Variants in PAX2 observed in about 807,000 individuals in gnomAD.
PAX2 encodes paired box protein Pax-2.
Under a neutral mutation model 41.7 loss-of-function variants are expected in PAX2, and 9 were observed. The observed-to-expected ratio is 0.22, with a 90% confidence interval of 0.13 to 0.38. The LOEUF is 0.38. PAX2 is among the 10% of genes least tolerant of loss of function. The pLI is 1.00. For missense variants in PAX2, 418 were observed against 531.6 expected, an observed-to-expected ratio of 0.79 and a Z score of 2.10; for synonymous variants, 221 against 212.7, an observed-to-expected ratio of 1.04 and a Z score of -0.34.
At chr10:100,792,442 T>C (rs1433797253) in intron 5 of PAX2, among the ~76,000 whole-genome samples, 1 of 152,216 alleles carries the variant, frequency 6.6e-6, no homozygotes, top group African/African-American at 2.4e-5. Context: ...TTCTGCGACA[T>C]ACCTCAGCTG....
At position 100,776,742 on chromosome 10, in the gene PAX2, G is replaced by A. The variant is rs146951035; in HGVS notation, c.411-2756G>A. 1.1e-3 allele frequency among the ~76,000 whole-genome samples: 174 copies of A among 152,204 alleles called. 1 individual carries two copies. The South Asian group carries it at 0.016, about 14-fold the overall frequency. ...CTCCAAAACCAGTCACCTCCCTATA[G>A]CCTTATTCCTGACCTGCTGATGTAA... is the stretch of plus-strand genomic sequence containing the variant. On this transcript the variant is annotated intron_variant, in intron 3 of 9. Coordinates refer to ENST00000355243, the MANE Select transcript of PAX2 (RefSeq NM_000278.5).
chr10:100,818,488 T>A (rs1848263687), intron 7 of PAX2, among the ~76,000 whole-genome samples: 1 of 152,244 alleles, frequency 6.6e-6, no homozygotes, highest in Admixed American at 6.5e-5. Flanking sequence ...AACGGGGCTC[T>A]TTCACTTTTT....
chr10:100,771,588 G>A (rs1846211073), intron 3 of PAX2, among the ~76,000 whole-genome samples: 1 of 152,150 alleles, frequency 6.6e-6, no homozygotes. Flanking sequence ...AGAGTTCTCA[G>A]GAGTAGGGAC....
chr10:100,789,789 G>T (rs937493343), intron 5 of PAX2, among the ~76,000 whole-genome samples: 3 of 152,196 alleles, frequency 2.0e-5, no homozygotes, highest in East Asian at 1.9e-4. Flanking sequence ...CATACCTGAG[G>T]GGGGAGGTTT....
rs1427720380 is a variant in PAX2 at position 100,750,057 on chromosome 10, T to C, written c.212+143T>C. 2.0e-6 allele frequency: 2 copies of C among 981,784 alleles called. No individual in the cohort carries two copies. Among genetic ancestry groups the C allele is most frequent in the East Asian group, 5.3e-5 (2 of 37,788 alleles). The allele number at this position is 981,784 out of a possible 1,614,324, so 60.8% of individuals were successfully genotyped here. A position where few individuals can be genotyped will look rare whatever the true frequency, so the allele number is the denominator to read the frequency against. ...CAAAGGGGTCTGGAGAGGTGCTCCT[T>C]TTGGAGAGAGTGTTCAGATGGTGGC... is the stretch of plus-strand genomic sequence containing the variant. On this transcript the variant is annotated intron_variant, in intron 2 of 9. Transcript: ENST00000355243. This position sits in a 1 kb window ranked among gnomAD's most constrained non-coding sequence, Gnocchi z 4.1.
Position 100,750,246 on chromosome 10 carries a change from A to G in PAX2, c.212+332A>G, listed in dbSNP as rs1162301943. Among the ~76,000 whole-genome samples the G allele has an allele frequency of 2.0e-5, 3 of 149,078 alleles. No individual in the cohort carries two copies. Among genetic ancestry groups the G allele is most frequent in the Non-Finnish European group, 4.4e-5 (3 of 67,834 alleles). On this transcript the variant is annotated intron_variant, in intron 2 of 9. Coordinates refer to ENST00000355243, the MANE Select transcript of PAX2 (RefSeq NM_000278.5). This position sits in a 1 kb window ranked among gnomAD's most constrained non-coding sequence, Gnocchi z 4.1. ...GGAGACATTAGAGGAATGGGGGGGG[A>G]GTGAAAATGGGTCCCCGAGAGGAGA...
At chr10:100,782,829 TC>T (rs1377695085) in intron 5 of PAX2, among the ~76,000 whole-genome samples, 2 of 152,260 alleles carry the variant, frequency 1.3e-5, no homozygotes, top group Non-Finnish European at 2.9e-5. Context: ...TCCCTGAGGC[TC>T]CCTGTGCTCA....
At chr10:100,796,488 A>G (rs1303898117) in intron 5 of PAX2, among the ~76,000 whole-genome samples, 1 of 152,174 alleles carries the variant, frequency 6.6e-6, no homozygotes, top group Non-Finnish European at 1.5e-5. Context: ...GTGCAACAAC[A>G]GTGATTTTCC....
chr10:100,829,606 C>G lies in PAX2; in HGVS notation c.*1987C>G, dbSNP rs1848715617. On this transcript the variant is annotated 3_prime_UTR_variant, in exon 10 of 10. Coordinates refer to ENST00000355243, the MANE Select transcript of PAX2 (RefSeq NM_000278.5). ...AACAAATCCGAAAAGGCTTGGAGTC[C>G]TCGCCCAGATCTCTCTCCCCTGCGA... 4.8e-6 allele frequency: 1 copy of G among 206,512 alleles called. No individual in the cohort carries two copies. The highest frequency in any genetic ancestry group is 2.3e-5 in the African/African-American group (1 of 43,762). 12.8% of individuals were successfully genotyped at this position (206,512 alleles called of 1,614,324 possible). A position where few individuals can be genotyped will look rare whatever the true frequency, so the allele number is the denominator to read the frequency against.
At chr10:100,782,196 T>G (rs1846661234) in intron 5 of PAX2, among the ~76,000 whole-genome samples, 1 of 152,182 alleles carries the variant, frequency 6.6e-6, no homozygotes, top group South Asian at 2.1e-4. Context: ...TGGTTCCCGC[T>G]GGAGAAGTGG....
chr10:100,809,142 T>A lies in PAX2; in HGVS notation c.825T>A (p.Pro275=). ...GNEYSLPALT[P]GLDEVKSSLS... ...AGTACTCCCTCCCAGCCCTGACCCCTGGGCTTGATGAAGTCAAGTCGAGTC... is the reference window on the plus strand; with the variant it reads ...AGTACTCCCTCCCAGCCCTGACCCCAGGGCTTGATGAAGTCAAGTCGAGTC... The change falls in exon 7 of 10, where the codon CCT becomes CCA. Residue 275 remains proline (P), a synonymous_variant. Coordinates refer to ENST00000355243, the MANE Select transcript of PAX2 (RefSeq NM_000278.5). The A allele has an allele frequency of 6.2e-7, 1 of 1,612,278 alleles. No homozygotes were observed. Among genetic ancestry groups the A allele is most frequent in the Non-Finnish European group, 8.5e-7 (1 of 1,178,416 alleles).
chr10:100,800,640 G>T (rs920902746), intron 5 of PAX2, among the ~76,000 whole-genome samples: 1 of 152,060 alleles, frequency 6.6e-6, no homozygotes, highest in East Asian at 1.9e-4. Context: ...TGACCCTTCT[G>T]TCCCTAGCCC....
At chr10:100,744,915 T>G (rs1268765557), upstream of PAX2, among the ~76,000 whole-genome samples, 1 of 152,036 alleles carries the variant, frequency 6.6e-6, no homozygotes, top group Non-Finnish European at 1.5e-5. Flanking sequence ...GACAAACTGC[T>G]GGACACTTTT....
At chr10:100,776,258 T>G (rs1589841761) in intron 3 of PAX2, among the ~76,000 whole-genome samples, 1 of 152,326 alleles carries the variant, frequency 6.6e-6, no homozygotes, top group East Asian at 1.9e-4. Flanking sequence ...TTACTCCCTA[T>G]GCATTCCCTA....
chr10:100,816,292 G>A (rs1019837906), intron 7 of PAX2, among the ~76,000 whole-genome samples: 1 of 152,224 alleles, frequency 6.6e-6, no homozygotes, highest in Non-Finnish European at 1.5e-5. Context: ...TTCATGATTC[G>A]TCAGGTTACG....
intron 7 of PAX2, among the ~76,000 whole-genome samples, chr10:100,812,736 T>A (rs1848040646): frequency 6.6e-6 from 1 of 152,214 alleles, no homozygotes; most frequent in African/African-American, 2.4e-5. Flanking sequence ...GCAGAGACAC[T>A]GGCAGTGATG....
In PAX2 at chr10:100,826,263, C is replaced by A. The variant is rs1848559527; in HGVS notation, c.1022-746C>A. The stretch of plus-strand genomic sequence containing the variant: ...GGCCCCTTCTCCTCTACTTAACCCG[C>A]GGTTAGGGATCACTGTAAACAGTCT... On this transcript the variant is annotated intron_variant, in intron 8 of 9. Coordinates refer to ENST00000355243, the MANE Select transcript of PAX2 (RefSeq NM_000278.5). The surrounding 1 kb of genome is among the most constrained non-coding windows in gnomAD (Gnocchi z 5.5). Among the ~76,000 whole-genome samples the A allele has an allele frequency of 6.6e-6, 1 of 151,016 alleles. No individual in the cohort carries two copies. The highest frequency in any genetic ancestry group is 2.4e-5 in the African/African-American group (1 of 40,958).
At chr10:100,735,452 G>A (rs1171725599) in exon 1 of PAX2, among the ~76,000 whole-genome samples, 2 of 152,196 alleles carry the variant, frequency 1.3e-5, no homozygotes, top group Non-Finnish European at 2.9e-5. Context: ...GCGTGTGCAC[G>A]CGTGTGCGCG....
intron 7 of PAX2, among the ~76,000 whole-genome samples, chr10:100,819,746 C>T (rs571476101): frequency 1.1e-4 from 17 of 152,258 alleles, no homozygotes; most frequent in African/African-American, 3.9e-4. Context: ...GAATCTTAGA[C>T]CTGATGGTGA....
Sources: gnomAD v4.1 joint callset for allele counts (sites outside exome capture counted in the v4.1 genomes callset) on GRCh38, gnomAD v4.1.1 for gene constraint, Gnocchi (gnomAD v3.1) non-coding constraint, MANE v1.5 for transcripts, NCBI Gene and HGNC (gene_info 2026-07-23, HGNC 2026-07-21) for gene names.